HDAC4: variants seen among roughly 807,000 people sequenced by gnomAD.
HDAC4 encodes the protein histone deacetylase 4.
In HDAC4, 16 loss-of-function variants were observed where a neutral mutation model predicts 135.1. The observed-to-expected ratio is 0.12, with a 90% confidence interval of 0.08 to 0.18. The LOEUF (loss-of-function observed/expected upper bound fraction) is 0.18. Ranked by LOEUF, HDAC4 falls within the 10% of genes least tolerant of loss-of-function variation. The pLI, the probability that HDAC4 is intolerant of heterozygous loss-of-function variation, is 1.00. For synonymous variants in HDAC4, 685 were observed against 653.4 expected, an observed-to-expected ratio of 1.05 and a Z score of -0.74; for missense variants, 1,143 against 1,511.8, an observed-to-expected ratio of 0.76 and a Z score of 4.05.
chr2:239,190,318 G>A lies in HDAC4; in HGVS notation c.95-241C>T, dbSNP rs3791554. On this transcript the variant is annotated intron_variant, in intron 3 of 26. Transcript: ENST00000543185. Reference sequence around the variant, plus strand: ...AACCACAAAAGCCCATGGGAGGTCAGGCCAGGACGCACTCCACAATCCCTG... The same window carrying A: ...AACCACAAAAGCCCATGGGAGGTCAAGCCAGGACGCACTCCACAATCCCTG... 0.13 allele frequency among the ~76,000 whole-genome samples: 19,189 copies of A among 152,128 alleles called. 1,289 individuals carry two copies. The highest frequency in any genetic ancestry group is 0.26 in the East Asian group (1,332 of 5,142).
chr2:239,208,350 A>AAG, intron 3 of HDAC4, among the ~76,000 whole-genome samples: 2 of 150,928 alleles, frequency 1.3e-5, no homozygotes, highest in African/African-American at 2.4e-5. Context: ...AAAAAAAAAA[A>AAG]AGAAAACACA....
At chr2:239,388,719 C>G (rs1055439409) in intron 1 of HDAC4, among the ~76,000 whole-genome samples, 1 of 152,228 alleles carries the variant, frequency 6.6e-6, no homozygotes, top group African/African-American at 2.4e-5. Flanking sequence ...GCCACACAGG[C>G]TCCTCCCTTC....
rs903743381 is a variant in HDAC4, at chr2:239,156,702, G to A, written c.683C>T (p.Pro228Leu). 15 of 1,613,980 alleles carry A rather than the reference G, an allele frequency of 9.3e-6. No individual in the cohort carries two copies. The highest frequency in any genetic ancestry group is 1.2e-5 in the Non-Finnish European group (14 of 1,180,030). The stretch of plus-strand genomic sequence containing the variant: ...TTTGGCGTCGTACATTCCCAGGACC[G>A]GGTGGTTATAGGAGGTCGACACTCC... ...QSGVSTSYNH[P>L]VLGMYDAKDD... Residue 228 changes from proline to leucine, a missense_variant, in exon 7 of 27, where the codon CCG becomes CTG. By Grantham distance (98) the Pro-to-Leu change is moderately conservative. This residue lies in a region of HDAC4 where 247 missense variants were observed against 310.0 expected (regional missense o/e 0.80). Coordinates refer to ENST00000543185, the MANE Select transcript of HDAC4 (RefSeq NM_001378414.1).
At chr2:239,182,708 C>T (rs560095892) in intron 4 of HDAC4, among the ~76,000 whole-genome samples, 2 of 152,304 alleles carry the variant, frequency 1.3e-5, no homozygotes, top group Admixed American at 6.5e-5. Context: ...TTCAACACTC[C>T]CTGTTCATAG....
At position 239,087,576 on chromosome 2, in the gene HDAC4, C is replaced by T. The variant is rs143226598; in HGVS notation, c.2427G>A (p.Ala809=). The change falls in exon 19 of 27, where the codon GCG becomes GCA. Residue 809 remains alanine, a synonymous_variant. Transcript: ENST00000543185. ...FAVVRPPGHH[A]EESTPMGFCY... Reference sequence around the variant, plus strand: ...GTACTCACATGGGCGTGCTCTCCTCCGCATGGTGTCCAGGGGGGCGGACCA... The same window carrying T: ...GTACTCACATGGGCGTGCTCTCCTCTGCATGGTGTCCAGGGGGGCGGACCA... 1.7e-4 allele frequency: 270 copies of T among 1,613,800 alleles called. 2 individuals carry two copies. In the South Asian group the frequency reaches 2.1e-3, roughly 12 times the overall value.
At chr2:239,209,863 C>T (rs1220598825) in intron 3 of HDAC4, among the ~76,000 whole-genome samples, 1 of 152,176 alleles carries the variant, frequency 6.6e-6, no homozygotes, top group East Asian at 1.9e-4. Flanking sequence ...AAGACCCTGA[C>T]AGCAGGGGAA....
chr2:239,195,537 G>A (rs749339399), intron 3 of HDAC4, among the ~76,000 whole-genome samples: 6 of 152,296 alleles, frequency 3.9e-5, no homozygotes, highest in Admixed American at 3.3e-4. Flanking sequence ...GCATTCGTGC[G>A]CCTACGGCTG....
chr2:239,372,840 G>T (rs1280046923), intron 1 of HDAC4, among the ~76,000 whole-genome samples: 1 of 152,002 alleles, frequency 6.6e-6, no homozygotes, highest in African/African-American at 2.4e-5. Context: ...GCACACATGT[G>T]CACATATGTA....
intron 2 of HDAC4, among the ~76,000 whole-genome samples, chr2:239,250,339 C>A (rs1349596468): frequency 6.6e-6 from 1 of 152,240 alleles, no homozygotes; most frequent in Non-Finnish European, 1.5e-5. Context: ...TCTAACCCTG[C>A]AGGTGGCTCC....
Position 239,167,810 on chromosome 2 carries a change from GC to G in HDAC4, c.491-3888del, listed in dbSNP as rs1349092521. On this transcript the variant is annotated intron_variant, in intron 5 of 26. Transcript: ENST00000543185. The surrounding 1 kb of genome is among the most constrained non-coding windows in gnomAD (Gnocchi z 4.1). ...TCTACAGAGGCTCTATGAGATGCCA[GC>G]CCGTTCTGGCCAGCAGAGATGAAGC... 6.6e-6 allele frequency among the ~76,000 whole-genome samples: 1 copy of G among 151,788 alleles called. No homozygotes were observed. The highest frequency in any genetic ancestry group is 1.5e-5 in the Non-Finnish European group (1 of 67,968).
At chr2:239,338,719 C>A (rs779285010) in intron 2 of HDAC4, among the ~76,000 whole-genome samples, 3 of 152,174 alleles carry the variant, frequency 2.0e-5, no homozygotes, top group Non-Finnish European at 4.4e-5. Context: ...ACTGAGAGGA[C>A]CACAGTATTC....
intron 2 of HDAC4, among the ~76,000 whole-genome samples, chr2:239,257,411 T>C (rs1284523987): frequency 6.6e-6 from 1 of 152,056 alleles, no homozygotes; most frequent in Non-Finnish European, 1.5e-5. Flanking sequence ...AAGATGGCAT[T>C]TGGGGCTGAT....
chr2:239,194,134 C>T (rs1369577313), intron 3 of HDAC4, among the ~76,000 whole-genome samples: 2 of 152,264 alleles, frequency 1.3e-5, no homozygotes, highest in East Asian at 3.9e-4. Flanking sequence ...GGAGGAGATG[C>T]GCTCACTTGG....
chr2:239,084,606 C>T, intron 19 of HDAC4, among the ~76,000 whole-genome samples: 1 of 151,146 alleles, frequency 6.6e-6, no homozygotes, highest in East Asian at 1.9e-4. Context: ...CACACACACC[C>T]CCCACAGACA....
At chr2:239,205,919 G>T (rs962536159) in intron 3 of HDAC4, among the ~76,000 whole-genome samples, 2 of 152,154 alleles carry the variant, frequency 1.3e-5, no homozygotes, top group African/African-American at 4.8e-5. Flanking sequence ...ATGCAGTAAC[G>T]TTTCACCTTA....
chr2:239,345,354 G>A (rs1330226359), intron 2 of HDAC4, among the ~76,000 whole-genome samples: 1 of 152,122 alleles, frequency 6.6e-6, no homozygotes, highest in African/African-American at 2.4e-5. Context: ...TTGGAGACCA[G>A]CCTGGACAAC....
intron 1 of HDAC4, among the ~76,000 whole-genome samples, chr2:239,378,979 G>A (rs746047894): frequency 6.6e-5 from 10 of 152,280 alleles, no homozygotes; most frequent in Non-Finnish European, 1.5e-4. Flanking sequence ...TGCTGGGCCC[G>A]CTCACTCACT....
At chr2:239,079,821 G>A (rs1001219792) in intron 22 of HDAC4, among the ~76,000 whole-genome samples, 1 of 149,150 alleles carries the variant, frequency 6.7e-6, no homozygotes, top group African/African-American at 2.5e-5. Flanking sequence ...CTCATATACA[G>A]ATGTGCACAC....
chr2:239,052,931 G>A lies in HDAC4; in HGVS notation c.*166C>T, dbSNP rs1007343852. The A allele has an allele frequency of 9.0e-6, 7 of 774,360 alleles. No homozygotes were observed. The African/African-American group carries it at 1.2e-4, about 13-fold the overall frequency. The allele number at this position is 774,360 out of a possible 1,614,324, so 48.0% of individuals were successfully genotyped here. A position where few individuals can be genotyped will look rare whatever the true frequency, so the allele number is the denominator to read the frequency against. ...GGCGTGCATGTGCGTCTCGAGACCTGTGGGCCTGGGCGGCAGAAAGGCTTC... is the reference window on the plus strand; with the variant it reads ...GGCGTGCATGTGCGTCTCGAGACCTATGGGCCTGGGCGGCAGAAAGGCTTC... On this transcript the variant is annotated 3_prime_UTR_variant, in exon 27 of 27. Coordinates refer to ENST00000543185, the MANE Select transcript of HDAC4 (RefSeq NM_001378414.1).
Sources: gnomAD v4.1 joint callset for allele counts (sites outside exome capture counted in the v4.1 genomes callset) on GRCh38, gnomAD v4.1.1 for gene constraint, gnomAD v4.1.1 regional missense constraint, Gnocchi (gnomAD v3.1) non-coding constraint, MANE v1.5 for transcripts, NCBI Gene and HGNC (gene_info 2026-07-23, HGNC 2026-07-21) for gene names.